The following ZCCHC24 variants were observed in gnomAD, a reference collection of about 807,000 sequenced individuals.
ZCCHC24 encodes the protein zinc finger CCHC domain-containing protein 24.
A neutral mutation model predicts 26.2 loss-of-function variants in ZCCHC24; 10 were observed. The observed-to-expected ratio is 0.38, with a 90% CI of 0.24 to 0.65. The LOEUF is 0.65. ZCCHC24 is among the 30% of genes least tolerant of loss of function. ZCCHC24 has a pLI of 0.54. For synonymous variants in ZCCHC24, 144 were observed against 147.1 expected, an observed-to-expected ratio of 0.98 and a Z score of 0.15; for missense variants, 243 against 329.1, an observed-to-expected ratio of 0.74 and a Z score of 2.03.
At chr10:79,391,212 A>T (rs886510201) in intron 3 of ZCCHC24, among the ~76,000 whole-genome samples, 5 of 152,108 alleles carry the variant, frequency 3.3e-5, no homozygotes, top group Non-Finnish European at 7.4e-5. Flanking sequence ...CTCTTGAGGG[A>T]TCCTTTAGAT....
chr10:79,443,635 A>C (rs1483934875), intron 1 of ZCCHC24, among the ~76,000 whole-genome samples: 2 of 152,240 alleles, frequency 1.3e-5, no homozygotes, highest in Non-Finnish European at 2.9e-5. Context: ...TGGTAAGAGA[A>C]CAAACAACTG....
At chr10:79,438,440 G>A (rs937970491) in intron 1 of ZCCHC24, among the ~76,000 whole-genome samples, 1 of 152,186 alleles carries the variant, frequency 6.6e-6, no homozygotes, top group African/African-American at 2.4e-5. Context: ...GGCGGGAAGC[G>A]AGCCAATGGG....
intron 2 of ZCCHC24, among the ~76,000 whole-genome samples, chr10:79,418,527 G>A (rs1393832297): frequency 1.3e-5 from 2 of 152,212 alleles, no homozygotes; most frequent in African/African-American, 2.4e-5. Context: ...AGCACATGGG[G>A]CATAGAAGGG....
Position 79,416,607 on chromosome 10 carries a change from T to C in ZCCHC24, c.447+15951A>G, listed in dbSNP as rs543242525. ...AAGACATCAGTGATGTGCTGGTACA[T>C]GGAGGATGCTCAGTCAACATTAGCT... On this transcript the variant is annotated intron_variant, in intron 2 of 3. Coordinates refer to ENST00000372336, the MANE Select transcript of ZCCHC24 (RefSeq NM_153367.4). Among the ~76,000 whole-genome samples the C allele has an allele frequency of 7.2e-5, 11 of 152,350 alleles. No individual in the cohort carries two copies. The East Asian group carries it at 7.7e-4, about 11-fold the overall frequency.
intron 2 of ZCCHC24, among the ~76,000 whole-genome samples, chr10:79,402,429 C>A: frequency 6.6e-6 from 1 of 152,222 alleles, no homozygotes; most frequent in Non-Finnish European, 1.5e-5. Flanking sequence ...GTGCCCGCCA[C>A]CACGCCCGGC....
intron 3 of ZCCHC24, among the ~76,000 whole-genome samples, chr10:79,393,948 C>T (rs1451922435): frequency 6.6e-6 from 1 of 152,232 alleles, no homozygotes; most frequent in Non-Finnish European, 1.5e-5. Context: ...GTGCACACAG[C>T]CACCCTGTTG....
chr10:79,390,530 G>A (rs551915960), intron 3 of ZCCHC24, among the ~76,000 whole-genome samples: 2 of 152,348 alleles, frequency 1.3e-5, no homozygotes, highest in South Asian at 4.1e-4. Context: ...TCTGAGCTGT[G>A]CCCCCTCCTT....
At position 79,394,295 on chromosome 10, in the gene ZCCHC24, T is replaced by C; in HGVS notation, c.593A>G (p.Asn198Ser). The C allele has an allele frequency of 6.2e-7, 1 of 1,614,124 alleles. No homozygotes were observed. Among genetic ancestry groups the C allele is most frequent in the Non-Finnish European group, 8.5e-7 (1 of 1,179,986 alleles). Residue 198 changes from asparagine (N) to serine (S), a missense_variant, in exon 3 of 4, where the codon AAC becomes AGC. Asn to Ser is a conservative substitution (Grantham distance 46). This residue lies in a region of ZCCHC24 where 96 missense variants were observed against 178.3 expected (regional missense o/e 0.54). Transcript: ENST00000372336. ...MGQECIKCHI[N>S]VYPHKQRPLE... The stretch of plus-strand genomic sequence containing the variant: ...GCTCACCTGCTTGTGTGGATACACG[T>C]TGATGTGGCACTTGATGCACTCCTG...
intron 3 of ZCCHC24, among the ~76,000 whole-genome samples, chr10:79,390,533 C>T (rs911872895): frequency 1.6e-4 from 25 of 152,214 alleles, no homozygotes; most frequent in Non-Finnish European, 1.6e-4. Context: ...GAGCTGTGCC[C>T]CCTCCTTGGC....
chr10:79,441,072 C>A (rs1857285922), intron 1 of ZCCHC24, among the ~76,000 whole-genome samples: 3 of 113,096 alleles, frequency 2.7e-5, no homozygotes, highest in Admixed American at 1.6e-4. Flanking sequence ...CCTGGAGCTG[C>A]CCCCTAAACA....
chr10:79,391,850 G>A (rs554039248), intron 3 of ZCCHC24, among the ~76,000 whole-genome samples: 20 of 151,248 alleles, frequency 1.3e-4, no homozygotes, highest in Admixed American at 5.3e-4. Context: ...CGGTGACTCA[G>A]TACACATGGA....
chr10:79,398,408 G>A (rs972076231), intron 2 of ZCCHC24, among the ~76,000 whole-genome samples: 11 of 152,202 alleles, frequency 7.2e-5, no homozygotes. Flanking sequence ...CTCAGTGGTT[G>A]GCACACTGCA....
intron 3 of ZCCHC24, among the ~76,000 whole-genome samples, chr10:79,387,099 A>T (rs1233203097): frequency 6.6e-6 from 1 of 152,074 alleles, no homozygotes; most frequent in Non-Finnish European, 1.5e-5. Context: ...ATGAGTGTTG[A>T]TTGACCCCCA....
In ZCCHC24 at chr10:79,383,118, A is replaced by G. The variant is rs1442684391; in HGVS notation, c.*3227T>C. 6.5e-5 allele frequency: 10 copies of G among 152,784 alleles called. No homozygotes were observed. The highest frequency in any genetic ancestry group is 1.2e-4 in the African/African-American group (5 of 41,466). 9.5% of individuals were successfully genotyped at this position (152,784 alleles called of 1,614,324 possible). The stretch of plus-strand genomic sequence containing the variant: ...AGGGGTCACCATTCCCTTTTTCACT[A>G]TGTATCGAATTATAGCTTCCCTTAA... On this transcript the variant is annotated 3_prime_UTR_variant, in exon 4 of 4. Coordinates refer to ENST00000372336, the MANE Select transcript of ZCCHC24 (RefSeq NM_153367.4).
intron 2 of ZCCHC24, among the ~76,000 whole-genome samples, chr10:79,406,151 G>A (rs2132189695): frequency 6.6e-6 from 1 of 152,330 alleles, no homozygotes; most frequent in East Asian, 1.9e-4. Context: ...TAGCTTCATT[G>A]TGATCCCATT....
chr10:79,430,727 C>T (rs989273782), intron 2 of ZCCHC24, among the ~76,000 whole-genome samples: 19 of 151,768 alleles, frequency 1.3e-4, no homozygotes, highest in Admixed American at 4.6e-4. Context: ...CTGCTATCCC[C>T]GGGCCTCTGG....
Position 79,402,517 on chromosome 10 carries a change from C to T in ZCCHC24, c.448-8077G>A, listed in dbSNP as rs866376723. Reference sequence around the variant, plus strand: ...GTTTCGATCTCCTGACCTTGTGATACGCCCGCCTCGGCCTCCCAAAGTGTG... The same window carrying T: ...GTTTCGATCTCCTGACCTTGTGATATGCCCGCCTCGGCCTCCCAAAGTGTG... On this transcript the variant is annotated intron_variant, in intron 2 of 3. Transcript: ENST00000372336. Among the ~76,000 whole-genome samples, 26 of 152,330 alleles carry T rather than the reference C, an allele frequency of 1.7e-4. 1 individual carries two copies. The highest frequency in any genetic ancestry group is 6.8e-3 in the Middle Eastern group (2 of 294).
intron 1 of ZCCHC24, among the ~76,000 whole-genome samples, chr10:79,442,394 C>G (rs961322031): frequency 2.2e-4 from 34 of 152,334 alleles, no homozygotes; most frequent in African/African-American, 8.2e-4. Flanking sequence ...GAACCGTTGG[C>G]TTATCTTCAG....
At chr10:79,429,572 C>T (rs903466717) in intron 2 of ZCCHC24, among the ~76,000 whole-genome samples, 10 of 152,036 alleles carry the variant, frequency 6.6e-5, no homozygotes, top group Non-Finnish European at 1.2e-4. Context: ...CAGAGCTAGA[C>T]TCTGTCTCAA....
Sources: allele counts gnomAD v4.1 joint callset (sites outside exome capture counted in the v4.1 genomes callset), GRCh38; gene constraint gnomAD v4.1.1; regional missense constraint gnomAD v4.1.1; transcripts MANE v1.5; gene names NCBI Gene and HGNC (gene_info 2026-07-23, HGNC 2026-07-21).